The following HEATR9 variants were observed in gnomAD, a reference collection of about 807,000 sequenced individuals.
The protein encoded by HEATR9 is protein HEATR9.
Under a neutral mutation model 68.2 loss-of-function variants are expected in HEATR9, and 54 were observed. The observed-to-expected ratio is 0.79, with a 90% CI of 0.64 to 0.99. The LOEUF (loss-of-function observed/expected upper bound fraction) is 0.99. HEATR9 is among the 50% of genes least tolerant of loss of function. HEATR9 has a pLI of 0.00. For missense variants in HEATR9, 662 were observed against 679.7 expected (o/e 0.97, Z 0.29); for synonymous variants, 241 against 253.5 (o/e 0.95, Z 0.47).
At position 35,868,715 on chromosome 17, in the gene HEATR9, A is replaced by C; in HGVS notation, c.28T>G (p.Ser10Ala). The change falls in exon 1 of 15, where the codon TCT becomes GCT. Residue 10 changes from serine to alanine, a missense_variant. Transcript: ENST00000604834. ...AGGAACATTGACCTGGAGACATCAG[A>C]GATATCAGTTGATTTTTCATAGGCC... is the stretch of plus-strand genomic sequence containing the variant. MAYEKSTDISDVSRSMFLYP... is the reference protein window; with the variant it reads MAYEKSTDIADVSRSMFLYP... 6.2e-7 allele frequency: 1 copy of C among 1,614,090 alleles called. No individual in the cohort carries two copies.
intron 6 of HEATR9, 171 bp downstream of exon 6, chr17:35,864,075 C>G (rs1173307585): frequency 1.7e-6 from 1 of 598,452 alleles, no homozygotes; most frequent in Non-Finnish European, 3.0e-6. Flanking sequence ...TCCAGCTGCT[C>G]TTCGAAGAGG....
In HEATR9 at chr17:35,855,696, C is replaced by G. The variant is rs886156904; in HGVS notation, c.1333G>C (p.Asp445His). The change falls in exon 14 of 15, where the codon GAT (aspartate) becomes CAT (histidine). Residue 445 changes from aspartate to histidine, a missense_variant. By Grantham distance (81) the Asp-to-His change is moderately conservative (BLOSUM62 -1). Transcript: ENST00000604834. ...QVFHLLLDLL[D>H]AENHQAVKKS... ...TTCACAGCCTGGTGGTTTTCTGCAT[C>G]TAGTAAGTCCAGGAGCAAGTGGAAC... is the stretch of plus-strand genomic sequence containing the variant. 1 of 1,614,014 alleles carries G rather than the reference C, an allele frequency of 6.2e-7. No individual in the cohort carries two copies. Among genetic ancestry groups the G allele is most frequent in the African/African-American group, 1.3e-5 (1 of 74,914 alleles).
intron 12 of HEATR9, 76 bp from the exon 13 acceptor site, chr17:35,856,300 A>C (rs1289590692): frequency 2.5e-6 from 4 of 1,614,004 alleles, no homozygotes; most frequent in Non-Finnish European, 3.4e-6. Context: ...GTTGCTTTTC[A>C]GGTCCAGAGC....
Position 35,868,743 on chromosome 17 carries a change from C to T in HEATR9, c.-1G>A. 4 of 1,614,078 alleles carry T rather than the reference C, an allele frequency of 2.5e-6. No homozygotes were observed. Among genetic ancestry groups the T allele is most frequent in the Non-Finnish European group, 3.4e-6 (4 of 1,179,958 alleles). ...TATCAGTTGATTTTTCATAGGCCAT[C>T]TTCTTCTCCTGGTGGGGCCAGAGGG... On this transcript the variant is annotated 5_prime_UTR_variant, in exon 1 of 15. Coordinates refer to ENST00000604834, the MANE Select transcript of HEATR9 (RefSeq NM_152781.4).
At chr17:35,859,203 C>G in intron 8 of HEATR9, 133 bp from the exon 9 acceptor site, 1 of 786,132 alleles carries the variant, frequency 1.3e-6, no homozygotes, top group South Asian at 1.8e-5. Flanking sequence ...TTAACTTATT[C>G]TTGCTGTCAC....
At chr17:35,858,772 A>G (rs1276667827) in intron 9 of HEATR9, 116 bp downstream of exon 9, 4 of 1,176,984 alleles carry the variant, frequency 3.4e-6, no homozygotes, top group South Asian at 1.4e-5. Flanking sequence ...GGACATAGTC[A>G]TAAGCACACA....
At chr17:35,862,141 C>G (rs777720829) in intron 8 of HEATR9, among the ~76,000 whole-genome samples, 1 of 151,998 alleles carries the variant, frequency 6.6e-6, no homozygotes, top group African/African-American at 2.4e-5. Flanking sequence ...AGCCTCTCAA[C>G]GTGCTGGGAT....
intron 9 of HEATR9, among the ~76,000 whole-genome samples, 178 bp from the exon 10 acceptor site, chr17:35,858,703 A>G (rs2087865412): frequency 6.6e-6 from 1 of 152,140 alleles, no homozygotes; most frequent in Non-Finnish European, 1.5e-5. Flanking sequence ...ACCCACACCT[A>G]TCAAATATAC....
At chr17:35,859,604 T>C (rs1229647796) in intron 8 of HEATR9, among the ~76,000 whole-genome samples, 1 of 152,212 alleles carries the variant, frequency 6.6e-6, no homozygotes, top group African/African-American at 2.4e-5. Flanking sequence ...GATCCTGCTG[T>C]AATCACTCCC....
chr17:35,855,065 A>G lies in HEATR9; in HGVS notation c.1711T>C (p.Ter571GlnextTer31), dbSNP rs755561077. Reference sequence around the variant, plus strand: ...GGGAGTAGGCCCAAAGAATTGACTTATTTGGCAATTTCAGCAAGGACCCGG... The same window carrying G: ...GGGAGTAGGCCCAAAGAATTGACTTGTTTGGCAATTTCAGCAAGGACCCGG... Reference protein sequence around the residue: ...QLRVLAEIAK* With the variant: ...QLRVLAEIAKQ The change falls in exon 15 of 15, where the codon TAA (stop) becomes CAA (glutamine). Residue 571 changes from the stop codon to glutamine (Q), a stop_lost. Transcript: ENST00000604834. The G allele has an allele frequency of 3.1e-6, 5 of 1,610,192 alleles. No homozygotes were observed. The African/African-American group carries it at 6.7e-5, about 22-fold the overall frequency.
At chr17:35,855,438 G>A (rs755757816) in intron 14 of HEATR9, 28 bp from the exon 15 acceptor site, 4 of 1,590,038 alleles carry the variant, frequency 2.5e-6, no homozygotes, top group Non-Finnish European at 3.4e-6. Flanking sequence ...TCCTAGTGCT[G>A]GCTCACTTTG....
At chr17:35,862,810 A>T in intron 8 of HEATR9, 185 bp downstream of exon 8, 1 of 758,778 alleles carries the variant, frequency 1.3e-6, no homozygotes, top group Non-Finnish European at 2.1e-6. Flanking sequence ...TTGGCTTTTC[A>T]GAAATGGACT....
intron 1 of HEATR9, 100 bp from the exon 2 acceptor site, chr17:35,866,873 C>G: frequency 8.6e-7 from 1 of 1,163,672 alleles, no homozygotes; most frequent in Non-Finnish European, 1.3e-6. Context: ...TTTGGGAAGC[C>G]AAGGCAGGCA....
At chr17:35,866,823 G>T in intron 1 of HEATR9, 50 bp from the exon 2 acceptor site, 1 of 1,579,168 alleles carries the variant, frequency 6.3e-7, no homozygotes, top group Non-Finnish European at 8.7e-7. Flanking sequence ...GATAGCAGTT[G>T]CAGGCCAGGC....
intron 7 of HEATR9, 109 bp from the exon 8 acceptor site, chr17:35,863,234 G>A: frequency 7.1e-7 from 1 of 1,416,180 alleles, no homozygotes; most frequent in Admixed American, 1.8e-5. Flanking sequence ...CAAGTCCTAG[G>A]TACCACAGTG....
chr17:35,864,350 C>T (rs1568325145), intron 5 of HEATR9, 48 bp from the exon 6 acceptor site: 1 of 1,554,134 alleles, frequency 6.4e-7, no homozygotes, highest in Admixed American at 1.7e-5. Context: ...GGACATCATC[C>T]CCAGGAGTTA....
intron 11 of HEATR9, 45 bp from the exon 12 acceptor site, chr17:35,856,850 G>T: frequency 6.6e-7 from 1 of 1,506,214 alleles, no homozygotes; most frequent in Non-Finnish European, 9.1e-7. Context: ...GGAATGCAAG[G>T]GTGTACACTT....
At chr17:35,866,665 T>C in intron 2 of HEATR9, 59 bp downstream of exon 2, 1 of 1,498,718 alleles carries the variant, frequency 6.7e-7, no homozygotes, top group Non-Finnish European at 9.3e-7. Flanking sequence ...GAAGGGATAG[T>C]TTGCTGCCCC....
At chr17:35,862,390 T>A (rs1598594412) in intron 8 of HEATR9, among the ~76,000 whole-genome samples, 1 of 152,098 alleles carries the variant, frequency 6.6e-6, no homozygotes, top group Non-Finnish European at 1.5e-5. Flanking sequence ...GGGGTCAAAG[T>A]AAGAGAACAC....
Sources: gnomAD v4.1 joint callset for allele counts (sites outside exome capture counted in the v4.1 genomes callset) on GRCh38, gnomAD v4.1.1 for gene constraint, MANE v1.5 for transcripts, NCBI Gene and HGNC (gene_info 2026-07-23, HGNC 2026-07-21) for gene names.